Variants in SGCZ observed in about 807,000 individuals in gnomAD.
SGCZ encodes the protein zeta-sarcoglycan.
A neutral mutation model predicts 41.3 loss-of-function variants in SGCZ; 40 were observed. The observed-to-expected ratio is 0.97, with a 90% CI of 0.75 to 1.26. SGCZ has a LOEUF of 1.26. Ranked by LOEUF, SGCZ falls within the 50% of genes most tolerant of loss-of-function variation. The probability of loss-of-function intolerance (pLI) is 0.00; values close to 1 mark genes in which losing one functional copy is unlikely to be tolerated. For missense variants in SGCZ, 552 were observed against 369.8 expected, an observed-to-expected ratio of 1.49 and a Z score of -4.04; for synonymous variants, 206 against 137.5, an observed-to-expected ratio of 1.50 and a Z score of -3.49.
At chr8:15,114,954 C>T (rs1338817344) in intron 1 of SGCZ, among the ~76,000 whole-genome samples, 1 of 151,816 alleles carries the variant, frequency 6.6e-6, no homozygotes, top group East Asian at 1.9e-4. Context: ...GCATATGGGC[C>T]TAAGTAAGGA....
intron 1 of SGCZ, among the ~76,000 whole-genome samples, chr8:14,821,188 C>T (rs1396974114): frequency 6.6e-6 from 1 of 151,936 alleles, no homozygotes; most frequent in Non-Finnish European, 1.5e-5. Flanking sequence ...TATGAATGAA[C>T]AGCTTCACAT....
chr8:15,157,347 C>T (rs1368092347), intron 1 of SGCZ, among the ~76,000 whole-genome samples: 2 of 151,808 alleles, frequency 1.3e-5, no homozygotes, highest in African/African-American at 4.8e-5. Flanking sequence ...GAGCTCACAC[C>T]ACTGCACACC....
At chr8:14,869,116 C>A (rs1804048773) in intron 1 of SGCZ, among the ~76,000 whole-genome samples, 1 of 152,106 alleles carries the variant, frequency 6.6e-6, no homozygotes, top group South Asian at 2.1e-4. Context: ...GATACCCAAA[C>A]CTGGCAGAGA....
chr8:14,880,431 G>C (rs1429328894), intron 1 of SGCZ, among the ~76,000 whole-genome samples: 1 of 152,156 alleles, frequency 6.6e-6, no homozygotes, highest in Non-Finnish European at 1.5e-5. Flanking sequence ...AATACCATTT[G>C]ACCCAGCCAT....
At chr8:14,312,677 G>C (rs202164194) in intron 3 of SGCZ, among the ~76,000 whole-genome samples, 1 of 151,914 alleles carries the variant, frequency 6.6e-6, no homozygotes, top group Admixed American at 6.6e-5. Flanking sequence ...GGAAGAGGAG[G>C]AGGAGGAGGA....
intron 1 of SGCZ, among the ~76,000 whole-genome samples, chr8:14,642,943 A>G (rs1807076801): frequency 6.6e-6 from 1 of 151,660 alleles, no homozygotes; most frequent in Non-Finnish European, 1.5e-5. Flanking sequence ...TCTGTTTCAC[A>G]CCTCGATATA....
At chr8:14,919,656 G>A (rs1156501333) in intron 1 of SGCZ, among the ~76,000 whole-genome samples, 1 of 152,098 alleles carries the variant, frequency 6.6e-6, no homozygotes, top group South Asian at 2.1e-4. Context: ...GATGGCTCAC[G>A]CCTGTAACCT....
chr8:14,957,894 A>G (rs1025350204), intron 1 of SGCZ, among the ~76,000 whole-genome samples: 19 of 152,076 alleles, frequency 1.2e-4, no homozygotes, highest in African/African-American at 4.6e-4. Context: ...TTCATTTACT[A>G]AGAGAATGAC....
chr8:14,873,086 G>A (rs1038312013), intron 1 of SGCZ, among the ~76,000 whole-genome samples: 2 of 152,078 alleles, frequency 1.3e-5, no homozygotes, highest in African/African-American at 4.8e-5. Flanking sequence ...TAATAGAAAC[G>A]ATTTTAATAA....
chr8:14,216,283 C>T (rs939413640), intron 4 of SGCZ, among the ~76,000 whole-genome samples: 4 of 152,088 alleles, frequency 2.6e-5, no homozygotes, highest in African/African-American at 7.2e-5. Context: ...CCTGGACTTC[C>T]GAGAAGTTTT....
chr8:15,047,531 G>A (rs1003090243), intron 1 of SGCZ, among the ~76,000 whole-genome samples: 1 of 151,960 alleles, frequency 6.6e-6, no homozygotes, highest in Non-Finnish European at 1.5e-5. Flanking sequence ...GACCTTTAAA[G>A]TCTTCTACTA....
chr8:15,198,832 A>G (rs570479155), intron 1 of SGCZ, among the ~76,000 whole-genome samples: 1 of 152,244 alleles, frequency 6.6e-6, no homozygotes, highest in Non-Finnish European at 1.5e-5. Context: ...TGACTCTATG[A>G]CTTATTTTTT....
intron 2 of SGCZ, among the ~76,000 whole-genome samples, chr8:14,470,661 G>C (rs1801189032): frequency 6.6e-6 from 1 of 152,082 alleles, no homozygotes; most frequent in Non-Finnish European, 1.5e-5. Flanking sequence ...CTATATGACG[G>C]TTGGAGATAA....
intron 1 of SGCZ, among the ~76,000 whole-genome samples, chr8:14,720,515 G>A (rs1809847523): frequency 6.6e-6 from 1 of 151,838 alleles, no homozygotes; most frequent in Non-Finnish European, 1.5e-5. Context: ...ATTAACCTAA[G>A]GTTCCACTGG....
intron 1 of SGCZ, among the ~76,000 whole-genome samples, chr8:14,744,208 G>A (rs1368559613): frequency 6.6e-6 from 1 of 152,190 alleles, no homozygotes; most frequent in Admixed American, 6.6e-5. Context: ...AAGAAACAGA[G>A]GCATTGTTTT....
At chr8:14,779,368 C>T (rs1192632751) in intron 1 of SGCZ, among the ~76,000 whole-genome samples, 1 of 152,166 alleles carries the variant, frequency 6.6e-6, no homozygotes, top group Non-Finnish European at 1.5e-5. Flanking sequence ...AATTTTCCAG[C>T]ACTAATTTAT....
intron 2 of SGCZ, among the ~76,000 whole-genome samples, chr8:14,497,230 G>T (rs1802014943): frequency 6.6e-6 from 1 of 152,156 alleles, no homozygotes; most frequent in African/African-American, 2.4e-5. Flanking sequence ...AAGCTGTACA[G>T]GGAGCATGGC....
rs370971113 is a variant in SGCZ, at chr8:14,883,235, T to TAAA, written c.40-328312_40-328310dup. Among the ~76,000 whole-genome samples, 1,178 of 137,976 alleles carry TAAA rather than the reference T, an allele frequency of 8.5e-3. 16 individuals are homozygous for TAAA. The highest frequency in any genetic ancestry group is 0.029 in the African/African-American group (1,109 of 38,450). 90.5% of individuals were successfully genotyped at this position (137,976 alleles called of 152,430 possible). Reference sequence around the variant, plus strand: ...TCCCTCGCCTCAATGTTGGGCTACTTAAAAAAAAAAAAAAACCACAGAGTG... The same window carrying TAAA: ...TCCCTCGCCTCAATGTTGGGCTACTTAAAAAAAAAAAAAAAAAACCACAGAGTG... On this transcript the variant is annotated intron_variant, in intron 1 of 7. Coordinates refer to ENST00000382080, the MANE Select transcript of SGCZ (RefSeq NM_139167.4).
intron 1 of SGCZ, among the ~76,000 whole-genome samples, chr8:15,124,043 G>C (rs1199714878): frequency 6.6e-6 from 1 of 152,080 alleles, no homozygotes; most frequent in Non-Finnish European, 1.5e-5. Context: ...ATTTATGCTT[G>C]GTAATCCATT....
Sources: allele counts gnomAD v4.1 joint callset (sites outside exome capture counted in the v4.1 genomes callset), GRCh38; gene constraint gnomAD v4.1.1; transcripts MANE v1.5; gene names NCBI Gene and HGNC (gene_info 2026-07-23, HGNC 2026-07-21).